Variants in IQCM observed in about 807,000 individuals in gnomAD.
The protein encoded by IQCM is IQ domain-containing protein M.
Under a neutral mutation model 57.6 loss-of-function variants are expected in IQCM, and 45 were observed. The observed-to-expected ratio is 0.78, with a 90% confidence interval of 0.62 to 1.00. The LOEUF (loss-of-function observed/expected upper bound fraction) is 1.00. Ranked by LOEUF, IQCM falls within the 50% of genes least tolerant of loss-of-function variation. The pLI is 0.00. For missense variants in IQCM, 468 were observed against 511.6 expected (o/e 0.91, Z 0.82); for synonymous variants, 148 against 158.9 (o/e 0.93, Z 0.51).
At chr4:149,726,413 A>G (rs1488097205) in intron 5 of IQCM, among the ~76,000 whole-genome samples, 1 of 152,076 alleles carries the variant, frequency 6.6e-6, no homozygotes, top group Admixed American at 6.5e-5. Context: ...CTCCTTTCTA[A>G]TGCATTACTC....
chr4:149,678,469 C>T (rs1761934128), intron 7 of IQCM, among the ~76,000 whole-genome samples: 2 of 151,718 alleles, frequency 1.3e-5, no homozygotes, highest in African/African-American at 4.8e-5. Context: ...TAAATTCTTT[C>T]CCAGACAAGC....
intron 5 of IQCM, among the ~76,000 whole-genome samples, chr4:149,697,941 T>A (rs1191583923): frequency 6.6e-6 from 1 of 152,134 alleles, no homozygotes; most frequent in Non-Finnish European, 1.5e-5. Flanking sequence ...CTAACTCACA[T>A]ATAGCATTAT....
chr4:149,709,895 G>C (rs748405470), intron 5 of IQCM, among the ~76,000 whole-genome samples: 2 of 152,014 alleles, frequency 1.3e-5, no homozygotes, highest in Non-Finnish European at 2.9e-5. Context: ...ACTAACACAG[G>C]AACAAGTCTA....
chr4:149,538,915 T>G (rs1460151213), intron 12 of IQCM, among the ~76,000 whole-genome samples: 1 of 152,058 alleles, frequency 6.6e-6, no homozygotes, highest in Non-Finnish European at 1.5e-5. Flanking sequence ...TTGCAAATTA[T>G]ATATCTGATA....
chr4:149,682,272 A>G, intron 6 of IQCM, 66 bp from the exon 7 acceptor site: 1 of 636,332 alleles, frequency 1.6e-6, no homozygotes, highest in Non-Finnish European at 2.2e-6. Flanking sequence ...AATCTTCAAC[A>G]CTAAAGTTAT....
intron 3 of IQCM, among the ~76,000 whole-genome samples, chr4:149,740,711 A>C (rs1307815650): frequency 2.6e-5 from 4 of 152,126 alleles, no homozygotes; most frequent in Non-Finnish European, 4.4e-5. Context: ...TCTGTTTTAC[A>C]TATTTGAGCT....
At chr4:149,557,317 C>T (rs1452647515) in intron 10 of IQCM, among the ~76,000 whole-genome samples, 1 of 152,132 alleles carries the variant, frequency 6.6e-6, no homozygotes, top group African/African-American at 2.4e-5. Context: ...AGCTAGACAG[C>T]CTTATGTTTG....
intron 5 of IQCM, among the ~76,000 whole-genome samples, chr4:149,688,566 T>C (rs1449016402): frequency 6.6e-6 from 1 of 151,936 alleles, no homozygotes; most frequent in Non-Finnish European, 1.5e-5. Flanking sequence ...CCCATCAAAA[T>C]ACCACCATCA....
intron 13 of IQCM, among the ~76,000 whole-genome samples, chr4:149,364,203 AG>A (rs2110935636): frequency 6.6e-6 from 1 of 152,304 alleles, no homozygotes; most frequent in Non-Finnish European, 1.5e-5. Context: ...CTGGAGGAAT[AG>A]AAAAAGAGAA....
At chr4:149,534,977 A>G (rs141335083) in intron 12 of IQCM, among the ~76,000 whole-genome samples, 1 of 152,232 alleles carries the variant, frequency 6.6e-6, no homozygotes, top group Non-Finnish European at 1.5e-5. Flanking sequence ...CTAATAATTT[A>G]TATCGTGCAT....
At chr4:149,652,859 T>G (rs948490825) in intron 7 of IQCM, among the ~76,000 whole-genome samples, 1 of 152,138 alleles carries the variant, frequency 6.6e-6, no homozygotes, top group African/African-American at 2.4e-5. Flanking sequence ...ATTAAAATCT[T>G]GAAACTGAAG....
intron 12 of IQCM, among the ~76,000 whole-genome samples, chr4:149,477,733 T>C (rs1740350259): frequency 6.6e-6 from 1 of 152,048 alleles, no homozygotes; most frequent in African/African-American, 2.4e-5. Flanking sequence ...TCCTGGCCCG[T>C]GTGTTGGAGA....
At chr4:149,802,871 C>G (rs564103019) in intron 2 of IQCM, among the ~76,000 whole-genome samples, 81 of 152,044 alleles carry the variant, frequency 5.3e-4, no homozygotes, top group Non-Finnish European at 1.0e-3. Flanking sequence ...CTACAGAAGA[C>G]ACTCGGAAAA....
rs984694123 is a variant in IQCM, at chr4:149,413,280, G to A, written c.1390+20116C>T. Among the ~76,000 whole-genome samples, 6 of 152,200 alleles carry A rather than the reference G, an allele frequency of 3.9e-5. 1 individual carries two copies. Among genetic ancestry groups the A allele is most frequent in the Admixed American group, 3.3e-4 (5 of 15,276 alleles). ...GCAAATGCTGAAATCAGCTTTGCCT[G>A]TTAAAGAGACTAACTCAGGAAGAAG... On this transcript the variant is annotated intron_variant, in intron 13 of 13. Transcript: ENST00000636793.
chr4:149,412,446 G>A (rs910390693), intron 13 of IQCM, among the ~76,000 whole-genome samples: 1 of 152,112 alleles, frequency 6.6e-6, no homozygotes, highest in Admixed American at 6.5e-5. Context: ...ATTGTGCACT[G>A]ACCAAATTTC....
At chr4:149,544,039 G>T (rs1748136554) in intron 12 of IQCM, among the ~76,000 whole-genome samples, 1 of 152,050 alleles carries the variant, frequency 6.6e-6, no homozygotes, top group African/African-American at 2.4e-5. Context: ...AACATACAAT[G>T]AAGCATCCAT....
intron 12 of IQCM, among the ~76,000 whole-genome samples, chr4:149,539,320 T>C (rs1353982026): frequency 6.6e-6 from 1 of 152,174 alleles, no homozygotes; most frequent in Non-Finnish European, 1.5e-5. Context: ...TATTGCATGA[T>C]TCTATTTATG....
chr4:149,655,149 T>G (rs1759527056), intron 7 of IQCM, among the ~76,000 whole-genome samples: 1 of 152,144 alleles, frequency 6.6e-6, no homozygotes, highest in Admixed American at 6.6e-5. Context: ...TTATTTCAAA[T>G]AAGAAATACC....
intron 12 of IQCM, among the ~76,000 whole-genome samples, chr4:149,509,054 G>A (rs1192550260): frequency 3.9e-5 from 6 of 152,190 alleles, no homozygotes; most frequent in Admixed American, 1.3e-4. Context: ...CCAGCCACAT[G>A]AAATTGTAAA....
Sources: allele counts gnomAD v4.1 joint callset (sites outside exome capture counted in the v4.1 genomes callset), GRCh38; gene constraint gnomAD v4.1.1; transcripts MANE v1.5; gene names NCBI Gene and HGNC (gene_info 2026-07-23, HGNC 2026-07-21).